Variants in SUMO3 observed in about 807,000 individuals in gnomAD.
SUMO3 encodes the protein small ubiquitin-related modifier 3.
A neutral mutation model predicts 11.1 loss-of-function variants in SUMO3; 2 were observed. The observed-to-expected ratio is 0.18, with a 90% CI of 0.07 to 0.57. SUMO3 has a LOEUF of 0.57. Ranked by LOEUF, SUMO3 falls within the 20% of genes least tolerant of loss-of-function variation. SUMO3 has a pLI of 0.92. For missense variants in SUMO3, 70 were observed against 132.8 expected (o/e 0.53, Z 2.32); for synonymous variants, 56 against 53.5 (o/e 1.05, Z -0.20).
At chr21:44,817,092 G>C in intron 1 of SUMO3, among the ~76,000 whole-genome samples, 1 of 145,586 alleles carries the variant, frequency 6.9e-6, no homozygotes, top group South Asian at 2.2e-4. Context: ...GCGCACACCA[G>C]GGACGCGATG....
Position 44,808,449 on chromosome 21 carries a change from C to G in SUMO3, c.222+598G>C, listed in dbSNP as rs776199505. ...AATGGCGTGAACTCAGGAGGCAGAG[C>G]TTGCACAGTGAGCTGAGACTGCGCC... On this transcript the variant is annotated intron_variant, in intron 3 of 3. Coordinates refer to ENST00000332859, the MANE Select transcript of SUMO3 (RefSeq NM_006936.3). 11 of 1,388,154 alleles carry G rather than the reference C, an allele frequency of 7.9e-6. No individual in the cohort carries two copies. The East Asian group carries it at 2.3e-4, about 29-fold the overall frequency. 86.0% of individuals were successfully genotyped at this position (1,388,154 alleles called of 1,614,324 possible). A position where few individuals can be genotyped will look rare whatever the true frequency, so the allele number is the denominator to read the frequency against.
chr21:44,812,727 G>T (rs1569308784), intron 2 of SUMO3, among the ~76,000 whole-genome samples: 1 of 152,244 alleles, frequency 6.6e-6, no homozygotes, highest in Non-Finnish European at 1.5e-5. Flanking sequence ...GGGGCAGGAG[G>T]GGAGCTCCGG....
Position 44,814,198 on chromosome 21 carries a change from A to G in SUMO3, c.22-94T>C, listed in dbSNP as rs796602003. The G allele has an allele frequency of 1.8e-5, 28 of 1,533,436 alleles. 1 individual carries two copies. The African/African-American group carries it at 3.4e-4, about 19-fold the overall frequency. The allele number at this position is 1,533,436 out of a possible 1,614,324, so 95.0% of individuals were successfully genotyped here. On this transcript the variant is annotated intron_variant, in intron 1 of 3. Coordinates refer to ENST00000332859, the MANE Select transcript of SUMO3 (RefSeq NM_006936.3). ...CTTTAGGTAATTGTTGGCTTTTTAA[A>G]GTCATCAAAACCAACCTAATTCTTA...
rs757215172 is a variant in SUMO3, at chr21:44,817,941, C to A, written c.21+7G>T. On this transcript the variant is annotated splice_region_variant and intron_variant, in intron 1 of 3. Transcript: ENST00000332859. ...GACGCGCGTGCAGGCGGGGTCGCCGCGCTTACCTTGGGCTTCTCCTCGGAC... is the reference window on the plus strand; with the variant it reads ...GACGCGCGTGCAGGCGGGGTCGCCGAGCTTACCTTGGGCTTCTCCTCGGAC... 1.1e-4 allele frequency: 114 copies of A among 1,046,954 alleles called. No individual in the cohort carries two copies. The Middle Eastern group carries it at 4.4e-3, about 41-fold the overall frequency. 64.9% of individuals were successfully genotyped at this position (1,046,954 alleles called of 1,614,324 possible). A position where few individuals can be genotyped will look rare whatever the true frequency, so the allele number is the denominator to read the frequency against.
chr21:44,813,345 G>A (rs774891433), intron 2 of SUMO3, among the ~76,000 whole-genome samples: 3 of 151,994 alleles, frequency 2.0e-5, no homozygotes, highest in Non-Finnish European at 4.4e-5. Context: ...GGACCCCCTG[G>A]CCCAGGGTGA....
At chr21:44,816,552 C>G (rs2083244578) in intron 1 of SUMO3, among the ~76,000 whole-genome samples, 1 of 152,246 alleles carries the variant, frequency 6.6e-6, no homozygotes. Flanking sequence ...GTATCAGAGA[C>G]AGCCTCTTTA....
rs1287292414 is a variant in SUMO3, at chr21:44,806,337, C to A, written c.*614G>T. On this transcript the variant is annotated 3_prime_UTR_variant, in exon 4 of 4. Transcript: ENST00000332859. ...TTACATGCTTGAGGGCCAGAGAGCA[C>A]GTGGGGTCAAATTACCAAAAGACTC... 6.6e-6 allele frequency: 1 copy of A among 152,272 alleles called. No homozygotes were observed. Among genetic ancestry groups the A allele is most frequent in the Non-Finnish European group, 1.5e-5 (1 of 68,280 alleles). The allele number at this position is 152,272 out of a possible 1,614,324, so 9.4% of individuals were successfully genotyped here.
At chr21:44,815,295 G>C (rs1601218462) in intron 1 of SUMO3, among the ~76,000 whole-genome samples, 2 of 152,298 alleles carry the variant, frequency 1.3e-5, no homozygotes, top group African/African-American at 4.8e-5. Context: ...ACCCTGGGGA[G>C]ACCCTGGGGA....
In SUMO3 at chr21:44,813,936, C is replaced by T. The variant is rs116059808; in HGVS notation, c.150+40G>A. On this transcript the variant is annotated intron_variant, in intron 2 of 3. Transcript: ENST00000332859. ...ATGCCTGGAACGCACAGGACCAGTG[C>T]GCACACGGGGAGGCTCTGCGGGGGA... 2,666 of 1,604,092 alleles carry T rather than the reference C, an allele frequency of 1.7e-3. 33 individuals carry two copies. In the African/African-American group the frequency reaches 0.027, roughly 16 times the overall value.
In SUMO3 at chr21:44,811,147, CAT is replaced by C. The variant is rs1289531168; in HGVS notation, c.151-2031_151-2030del. Among the ~76,000 whole-genome samples the C allele has an allele frequency of 2.0e-5, 3 of 150,418 alleles. No individual in the cohort carries two copies. Among genetic ancestry groups the C allele is most frequent in the Non-Finnish European group, 4.5e-5 (3 of 67,142 alleles). ...ATATACACACAGGCACACACCCACA[CAT>C]ACACACACAGGCACACACCCACACA... On this transcript the variant is annotated intron_variant, in intron 2 of 3. Coordinates refer to ENST00000332859, the MANE Select transcript of SUMO3 (RefSeq NM_006936.3). This position sits in a 1 kb window ranked among gnomAD's most constrained non-coding sequence, Gnocchi z 5.0.
rs1306314705 is a variant in SUMO3, at chr21:44,818,056, C to G, written c.-88G>C. Reference sequence around the variant, plus strand: ...TCTCGGCCCCGCCGCTCTCCCGCCGCAACTGTGCGCGGGGCCGCGCTTTAT... The same window carrying G: ...TCTCGGCCCCGCCGCTCTCCCGCCGGAACTGTGCGCGGGGCCGCGCTTTAT... On this transcript the variant is annotated 5_prime_UTR_variant, in exon 1 of 4. Coordinates refer to ENST00000332859, the MANE Select transcript of SUMO3 (RefSeq NM_006936.3). 9.5e-7 allele frequency: 1 copy of G among 1,057,940 alleles called. No homozygotes were observed. The highest frequency in any genetic ancestry group is 1.7e-5 in the African/African-American group (1 of 59,574). 65.5% of individuals were successfully genotyped at this position (1,057,940 alleles called of 1,614,324 possible).
In SUMO3 at chr21:44,806,709, C is replaced by A. The variant is rs2083179617; in HGVS notation, c.*242G>T. On this transcript the variant is annotated 3_prime_UTR_variant, in exon 4 of 4. Coordinates refer to ENST00000332859, the MANE Select transcript of SUMO3 (RefSeq NM_006936.3). Reference sequence around the variant, plus strand: ...AACACAAATGAGCACACAAAAGTACCCACAATATCTTGCAACTCATTTTAC... The same window carrying A: ...AACACAAATGAGCACACAAAAGTACACACAATATCTTGCAACTCATTTTAC... The A allele has an allele frequency of 3.9e-6, 4 of 1,038,020 alleles. No individual in the cohort carries two copies. Among genetic ancestry groups the A allele is most frequent in the South Asian group, 3.7e-5 (2 of 53,980 alleles). 64.3% of individuals were successfully genotyped at this position (1,038,020 alleles called of 1,614,324 possible).
Position 44,807,243 on chromosome 21 carries a change from GTTC to G in SUMO3, c.223-206_223-204del. Among the ~76,000 whole-genome samples the G allele has an allele frequency of 6.6e-6, 1 of 152,200 alleles. No homozygotes were observed. The highest frequency in any genetic ancestry group is 1.9e-4 in the East Asian group (1 of 5,186). On this transcript the variant is annotated intron_variant, in intron 3 of 3. Coordinates refer to ENST00000332859, the MANE Select transcript of SUMO3 (RefSeq NM_006936.3). This position sits in a 1 kb window ranked among gnomAD's most constrained non-coding sequence, Gnocchi z 4.3. The stretch of plus-strand genomic sequence containing the variant: ...CTGTATGCTCACTACAGCCCTTACG[GTTC>G]AACAAGCTTCCCCTAACAAAACTCA...
At chr21:44,816,109 TAAAC>T (rs2083242629) in intron 1 of SUMO3, among the ~76,000 whole-genome samples, 1 of 152,206 alleles carries the variant, frequency 6.6e-6, no homozygotes, top group Admixed American at 6.5e-5. Context: ...ATTCTGGAAT[TAAAC>T]AAGTGTTTTC....
At position 44,807,068 on chromosome 21, in the gene SUMO3, C is replaced by CGA. The variant is rs1175934462; in HGVS notation, c.223-30_223-29dup. On this transcript the variant is annotated intron_variant, in intron 3 of 3. Transcript: ENST00000332859. This position sits in a 1 kb window ranked among gnomAD's most constrained non-coding sequence, Gnocchi z 4.3. ...GTCATGGTTGTCACAACAGGCACAG[C>CGA]GAGAGAGAGGGGAGCCTGTTAGTTT... The CGA allele has an allele frequency of 1.9e-6, 3 of 1,610,514 alleles. No individual in the cohort carries two copies. The highest frequency in any genetic ancestry group is 2.5e-6 in the Non-Finnish European group (3 of 1,178,112).
chr21:44,817,288 T>A (rs533673279), intron 1 of SUMO3, among the ~76,000 whole-genome samples: 1 of 103,248 alleles, frequency 9.7e-6, no homozygotes, highest in Admixed American at 1.0e-4. Flanking sequence ...AGGTGCACAC[T>A]GAGGGCACGA....
chr21:44,814,804 C>T (rs2083234264), intron 1 of SUMO3, among the ~76,000 whole-genome samples: 1 of 152,298 alleles, frequency 6.6e-6, no homozygotes, highest in South Asian at 2.1e-4. Context: ...CCTATCTGAG[C>T]GGCAGTAGGT....
Position 44,813,782 on chromosome 21 carries a change from T to C in SUMO3, c.150+194A>G. ...CGAGCCTCTAGGTCCCTCCACCTTA[T>C]AAAAGGCCATGGGGGACAAGCCCAG... On this transcript the variant is annotated intron_variant, in intron 2 of 3. Coordinates refer to ENST00000332859, the MANE Select transcript of SUMO3 (RefSeq NM_006936.3). The C allele has an allele frequency of 3.4e-6, 5 of 1,487,436 alleles. No individual in the cohort carries two copies. The South Asian group carries it at 6.4e-5, about 19-fold the overall frequency. 92.1% of individuals were successfully genotyped at this position (1,487,436 alleles called of 1,614,324 possible). A position where few individuals can be genotyped will look rare whatever the true frequency, so the allele number is the denominator to read the frequency against.
In SUMO3 at chr21:44,813,687, T is replaced by C. The variant is rs532609886; in HGVS notation, c.150+289A>G. 108 of 843,178 alleles carry C rather than the reference T, an allele frequency of 1.3e-4. No individual in the cohort carries two copies. In the South Asian group the frequency reaches 1.9e-3, roughly 15 times the overall value. 52.2% of individuals were successfully genotyped at this position (843,178 alleles called of 1,614,324 possible). On this transcript the variant is annotated intron_variant, in intron 2 of 3. Coordinates refer to ENST00000332859, the MANE Select transcript of SUMO3 (RefSeq NM_006936.3). The stretch of plus-strand genomic sequence containing the variant: ...TCAGCATCACAGACTTCACAGATGT[T>C]AGTACCCCATGGAGAACACAGCACC...
Sources: allele counts gnomAD v4.1 joint callset (sites outside exome capture counted in the v4.1 genomes callset), GRCh38; gene constraint gnomAD v4.1.1; non-coding constraint Gnocchi (gnomAD v3.1); transcripts MANE v1.5; gene names NCBI Gene and HGNC (gene_info 2026-07-23, HGNC 2026-07-21).